SLC5A10: variants seen among roughly 807,000 people sequenced by gnomAD.
SLC5A10 encodes sodium/mannose cotransporter SLC5A10.
In SLC5A10, 55 loss-of-function variants were observed where a neutral mutation model predicts 68.9. The observed-to-expected ratio is 0.80, with a 90% CI of 0.64 to 1.00. The LOEUF is 1.00. SLC5A10 is among the 50% of genes least tolerant of loss of function. The pLI is 0.00. For synonymous variants in SLC5A10, 344 were observed against 344.8 expected (o/e 1.00, Z 0.02); for missense variants, 732 against 819.3 (o/e 0.89, Z 1.30).
intron 9 of SLC5A10, among the ~76,000 whole-genome samples, chr17:18,983,809 G>A (rs1014058187): frequency 6.6e-5 from 10 of 152,178 alleles, no homozygotes; most frequent in Non-Finnish European, 4.4e-5. Context: ...GTATGTGACG[G>A]CATGTAGGGG....
At chr17:19,020,004 C>G (rs1243291637) in intron 13 of SLC5A10, 76 bp downstream of exon 13, 1 of 1,485,732 alleles carries the variant, frequency 6.7e-7, no homozygotes, top group Non-Finnish European at 9.2e-7. Context: ...CCGACCCACT[C>G]TGACTCAGAA....
At chr17:18,959,717 G>T in intron 4 of SLC5A10, 54 bp downstream of exon 4, 2 of 1,575,746 alleles carry the variant, frequency 1.3e-6, no homozygotes, top group East Asian at 2.2e-5. Flanking sequence ...GTCCAAGTTG[G>T]TGGTAGTAAT....
intron 1 of SLC5A10, among the ~76,000 whole-genome samples, chr17:18,956,070 T>C (rs2042492889): frequency 6.6e-6 from 1 of 152,052 alleles, no homozygotes; most frequent in African/African-American, 2.4e-5. Flanking sequence ...GGCACATGCC[T>C]GTAATCCCAG....
rs755505154 is a variant in SLC5A10, at chr17:19,003,640, G to T, written c.983-9770G>T. On this transcript the variant is annotated intron_variant, in intron 9 of 14. Coordinates refer to ENST00000395645, the MANE Select transcript of SLC5A10 (RefSeq NM_001042450.4). This position sits in a 1 kb window ranked among gnomAD's most constrained non-coding sequence, Gnocchi z 4.5. ...CGCGGTAGGCGATGGTGTCGGGCCA[G>T]CCCAGGTCCAGCTGCGGGATGGAGC... 4 of 1,612,466 alleles carry T rather than the reference G, an allele frequency of 2.5e-6. No homozygotes were observed. The South Asian group carries it at 4.4e-5, about 18-fold the overall frequency.
In SLC5A10 at chr17:19,021,724, C is replaced by T. The variant is rs925051936; in HGVS notation, c.*1293C>T. On this transcript the variant is annotated 3_prime_UTR_variant, in exon 15 of 15. Coordinates refer to ENST00000395645, the MANE Select transcript of SLC5A10 (RefSeq NM_001042450.4). The surrounding 1 kb of genome is among the most constrained non-coding windows in gnomAD (Gnocchi z 4.1). ...CCTGTGGTGTCACACAGCTGGCAGCCAATGGAAAGCAACCAGCCAGGAAGC... is the reference window on the plus strand; with the variant it reads ...CCTGTGGTGTCACACAGCTGGCAGCTAATGGAAAGCAACCAGCCAGGAAGC... The T allele has an allele frequency of 5.4e-5, 22 of 407,146 alleles. No homozygotes were observed. The highest frequency in any genetic ancestry group is 4.1e-4 in the African/African-American group (20 of 48,710). 25.2% of individuals were successfully genotyped at this position (407,146 alleles called of 1,614,324 possible). A position where few individuals can be genotyped will look rare whatever the true frequency, so the allele number is the denominator to read the frequency against.
chr17:18,992,649 G>A (rs980146670), intron 9 of SLC5A10, among the ~76,000 whole-genome samples: 2 of 152,308 alleles, frequency 1.3e-5, no homozygotes, highest in African/African-American at 4.8e-5. Context: ...CAGCACCGGC[G>A]CCCAAGCTCT....
At chr17:18,952,069 G>A (rs2042377186), upstream of SLC5A10, 2 of 1,403,824 alleles carry the variant, frequency 1.4e-6, no homozygotes, top group East Asian at 2.5e-5. Context: ...TGCCCTGCAT[G>A]CAGCCACATC....
At chr17:18,987,662 C>T (rs995051775) in intron 9 of SLC5A10, among the ~76,000 whole-genome samples, 8 of 152,238 alleles carry the variant, frequency 5.3e-5, no homozygotes, top group Non-Finnish European at 1.2e-4. Context: ...ACTTCTGTTC[C>T]ATGGTTTCCC....
At chr17:18,995,481 G>T (rs543403738) in intron 9 of SLC5A10, among the ~76,000 whole-genome samples, 2 of 152,174 alleles carry the variant, frequency 1.3e-5, no homozygotes, top group Admixed American at 1.3e-4. Context: ...AGCAAACTGT[G>T]GGTCAACTTC....
intron 9 of SLC5A10, among the ~76,000 whole-genome samples, chr17:18,980,126 C>T (rs934146520): frequency 1.3e-5 from 2 of 152,110 alleles, no homozygotes; most frequent in Non-Finnish European, 2.9e-5. Flanking sequence ...AGGGGGCCTG[C>T]CCTGCAGAAT....
At chr17:18,955,173 G>A (rs938950213) in intron 1 of SLC5A10, among the ~76,000 whole-genome samples, 7 of 151,728 alleles carry the variant, frequency 4.6e-5, no homozygotes, top group African/African-American at 1.7e-4. Flanking sequence ...ATGATCCAGG[G>A]ATTCACAGCA....
intron 11 of SLC5A10, 119 bp from the exon 12 acceptor site, chr17:19,019,304 A>C: frequency 8.0e-7 from 1 of 1,253,320 alleles, no homozygotes. Context: ...TCCAGGGAGG[A>C]GGCTGGAGCT....
At chr17:18,976,656 C>T in intron 8 of SLC5A10, 198 bp from the exon 9 acceptor site, 1 of 643,946 alleles carries the variant, frequency 1.6e-6, no homozygotes. Flanking sequence ...TCGGCTCTCG[C>T]TGCTTGGCCT....
chr17:18,967,905 C>G (rs925235005), intron 5 of SLC5A10, among the ~76,000 whole-genome samples: 6 of 151,396 alleles, frequency 4.0e-5, no homozygotes, highest in African/African-American at 1.5e-4. Context: ...CCTGAACTAC[C>G]TGCCCTTCCT....
chr17:18,952,657 T>C (rs1027487523), intron 1 of SLC5A10: 22 of 196,202 alleles, frequency 1.1e-4, no homozygotes, highest in African/African-American at 4.7e-4. Flanking sequence ...TCCTGTCTGC[T>C]TGAACAACAG....
chr17:19,005,045 AGG>A (rs2043845442), intron 9 of SLC5A10, among the ~76,000 whole-genome samples: 2 of 152,174 alleles, frequency 1.3e-5, no homozygotes, highest in Non-Finnish European at 2.9e-5. Context: ...CTGTGCCCCC[AGG>A]GTCTGTTGGT....
chr17:18,973,884 G>GTTTT (rs35778801), intron 8 of SLC5A10, among the ~76,000 whole-genome samples: 1 of 95,740 alleles, frequency 1.0e-5, no homozygotes, highest in Non-Finnish European at 2.0e-5. Flanking sequence ...TTTTTTTTAA[G>GTTTT]TTTTTTTTTT....
chr17:18,976,448 G>A (rs2472716), intron 8 of SLC5A10: 98,472 of 164,042 alleles, frequency 0.6, 29,842 homozygotes, highest in East Asian at 0.74. Flanking sequence ...GTTGGCGCCA[G>A]TGTCTGCTCC....
At chr17:18,960,828 G>A (rs1432558227) in intron 5 of SLC5A10, among the ~76,000 whole-genome samples, 176 bp downstream of exon 5, 1 of 152,210 alleles carries the variant, frequency 6.6e-6, no homozygotes, top group African/African-American at 2.4e-5. Flanking sequence ...TGGACAGGTA[G>A]TCCAGGGCCC....
Sources: allele counts gnomAD v4.1 joint callset (sites outside exome capture counted in the v4.1 genomes callset), GRCh38; gene constraint gnomAD v4.1.1; non-coding constraint Gnocchi (gnomAD v3.1); transcripts MANE v1.5; gene names NCBI Gene and HGNC (gene_info 2026-07-23, HGNC 2026-07-21).